The following SAMHD1 variants were observed in gnomAD, a reference collection of about 807,000 sequenced individuals.
SAMHD1 encodes deoxynucleoside triphosphate triphosphohydrolase SAMHD1.
Under a neutral mutation model 79.6 loss-of-function variants are expected in SAMHD1, and 54 were observed. The observed-to-expected ratio is 0.68, with a 90% CI of 0.55 to 0.85. The LOEUF is 0.85. Ranked by LOEUF, SAMHD1 falls within the 40% of genes least tolerant of loss-of-function variation. The pLI, the probability that SAMHD1 is intolerant of heterozygous loss-of-function variation, is 0.00. For synonymous variants in SAMHD1, 260 were observed against 264.1 expected (o/e 0.98, Z 0.15); for missense variants, 663 against 782.7 (o/e 0.85, Z 1.82).
intron 1 of SAMHD1, 115 bp downstream of exon 1, chr20:36,951,321 C>T (rs2063732916): frequency 3.4e-6 from 5 of 1,471,870 alleles, no homozygotes; most frequent in Non-Finnish European, 4.6e-6. Context: ...GGGTGCCTCC[C>T]GCCGCAGGGC....
At position 36,897,916 on chromosome 20, in the gene SAMHD1, C is replaced by T. The variant is rs1368663361; in HGVS notation, c.1652G>A (p.Arg551Gln). The change falls in exon 15 of 16, where the codon CGA becomes CAA. Residue 551 changes from arginine to glutamine, a missense_variant. Arg to Gln is a conservative substitution (Grantham distance 43). Transcript: ENST00000646673. ...LPEKFAEQLI[R>Q]VYCKKVDRKS... ...TCTGTCCACCTTCTTACAATATACT[C>T]GAATCAGCTGCTCTGCAAATTTCTC... 3.1e-6 allele frequency: 5 copies of T among 1,614,180 alleles called. No homozygotes were observed. The highest frequency in any genetic ancestry group is 4.5e-5 in the East Asian group (2 of 44,894).
At chr20:36,942,728 G>A (rs2063654961) in intron 2 of SAMHD1, among the ~76,000 whole-genome samples, 1 of 151,652 alleles carries the variant, frequency 6.6e-6, no homozygotes, top group African/African-American at 2.4e-5. Context: ...CTCACTGCAA[G>A]CTCCACCTCC....
chr20:36,935,387 G>C, intron 3 of SAMHD1, 198 bp from the exon 4 acceptor site: 2 of 581,502 alleles, frequency 3.4e-6, no homozygotes, highest in South Asian at 4.1e-5. Context: ...TTGGATTTGA[G>C]TATATTTTAC....
chr20:36,946,678 T>A, intron 2 of SAMHD1, 60 bp downstream of exon 2: 1 of 1,356,788 alleles, frequency 7.4e-7, no homozygotes. Context: ...TTGGGCTTTG[T>A]CCCTGAAAGA....
chr20:36,942,341 C>T (rs6124473), intron 2 of SAMHD1, among the ~76,000 whole-genome samples: 33,544 of 151,822 alleles, frequency 0.22, 4,399 homozygotes, highest in East Asian at 0.45. Flanking sequence ...TTGCTTGAAC[C>T]CGGGAGGCGG....
At chr20:36,897,637 G>A (rs1990221281) in intron 15 of SAMHD1, 185 bp downstream of exon 15, 10 of 676,540 alleles carry the variant, frequency 1.5e-5, no homozygotes, top group Non-Finnish European at 2.6e-5. Flanking sequence ...AACTCCTGTA[G>A]GAAGAAATCA....
At chr20:36,915,494 T>G (rs953178204) in intron 9 of SAMHD1, among the ~76,000 whole-genome samples, 15 of 152,090 alleles carry the variant, frequency 9.9e-5, no homozygotes, top group Admixed American at 7.2e-4. Context: ...GCCAGCACTT[T>G]GGGAGGCTGA....
intron 15 of SAMHD1, chr20:36,893,680 C>G (rs1435938476): frequency 2.6e-6 from 1 of 388,412 alleles, no homozygotes; most frequent in Non-Finnish European, 4.5e-6. Context: ...CTAAACTGTT[C>G]TGAACTTGTG....
chr20:36,919,514 T>A lies in SAMHD1; in HGVS notation c.702A>T (p.Glu234Asp). ...GCTCAAACATCATAACTGAGCCTTG[T>A]TCATGCTAGGAAAAGTAAGCACAAT... ...LARPEVKWTH[E>D]QGSVMMFEHL... is the part of the protein sequence containing the mutation. Residue 234 changes from glutamate to aspartate, a missense_variant, in exon 7 of 16, where the codon GAA becomes GAT. Glu to Asp is a conservative substitution (Grantham distance 45). Coordinates refer to ENST00000646673, the MANE Select transcript of SAMHD1 (RefSeq NM_015474.4). The A allele has an allele frequency of 6.2e-7, 1 of 1,613,382 alleles. No homozygotes were observed. Among genetic ancestry groups the A allele is most frequent in the South Asian group, 1.1e-5 (1 of 91,036 alleles).
intron 9 of SAMHD1, 47 bp downstream of exon 9, chr20:36,916,675 A>G (rs1443244019): frequency 7.5e-7 from 1 of 1,328,776 alleles, no homozygotes; most frequent in Non-Finnish European, 1.1e-6. Context: ...TCCAAATTTC[A>G]GACCAGGAAC....
At position 36,892,562 on chromosome 20, in the gene SAMHD1, A is replaced by T; in HGVS notation, c.*370T>A. 3.4e-6 allele frequency: 1 copy of T among 292,410 alleles called. No individual in the cohort carries two copies. The highest frequency in any genetic ancestry group is 6.6e-6 in the Non-Finnish European group (1 of 151,968). The allele number at this position is 292,410 out of a possible 1,614,324, so 18.1% of individuals were successfully genotyped here. A position where few individuals can be genotyped will look rare whatever the true frequency, so the allele number is the denominator to read the frequency against. ...TCCCAGCTACTTGGGGGGCTGAGGC[A>T]GGAGGGTCGCTTGAGCCCAGGAAAG... On this transcript the variant is annotated 3_prime_UTR_variant, in exon 16 of 16. Transcript: ENST00000646673.
At chr20:36,935,604 T>G (rs1033971771) in intron 3 of SAMHD1, among the ~76,000 whole-genome samples, 37 of 151,522 alleles carry the variant, frequency 2.4e-4, no homozygotes, top group Non-Finnish European at 4.7e-4. Context: ...AGAGTCTCAC[T>G]GTGTTACCCA....
chr20:36,902,726 T>A (rs1420921720), intron 13 of SAMHD1, among the ~76,000 whole-genome samples: 4 of 151,884 alleles, frequency 2.6e-5, no homozygotes, highest in African/African-American at 9.7e-5. Flanking sequence ...AATTACTGTA[T>A]CACGTTATCT....
intron 15 of SAMHD1, among the ~76,000 whole-genome samples, chr20:36,895,165 C>G (rs1897532953): frequency 6.6e-6 from 1 of 152,038 alleles, no homozygotes; most frequent in African/African-American, 2.4e-5. Flanking sequence ...TCTTGGCTGA[C>G]AGGACTTTGA....
At chr20:36,921,357 C>T (rs966857867) in intron 6 of SAMHD1, among the ~76,000 whole-genome samples, 2 of 119,624 alleles carry the variant, frequency 1.7e-5, no homozygotes, top group Non-Finnish European at 3.2e-5. Context: ...CACGCCACTG[C>T]ACTACAGGCT....
chr20:36,909,963 G>A (rs1390603631), intron 11 of SAMHD1, among the ~76,000 whole-genome samples: 1 of 151,918 alleles, frequency 6.6e-6, no homozygotes, highest in South Asian at 2.1e-4. Flanking sequence ...GGTGTCTCAC[G>A]CCTGTAATCC....
At position 36,939,414 on chromosome 20, in the gene SAMHD1, G is replaced by A. The variant is rs536406013; in HGVS notation, c.348+1625C>T. ...TCGAGACCAGCCTGACCAATATGGC[G>A]GAACCCTGTCTTTACTAAAAAAAAT... On this transcript the variant is annotated intron_variant, in intron 3 of 15. Transcript: ENST00000646673. 1.9e-3 allele frequency among the ~76,000 whole-genome samples: 288 copies of A among 151,998 alleles called. 1 individual carries two copies. Among genetic ancestry groups the A allele is most frequent in the African/African-American group, 6.4e-3 (267 of 41,478 alleles).
chr20:36,951,077 A>G (rs2063729925), intron 1 of SAMHD1, among the ~76,000 whole-genome samples: 1 of 152,156 alleles, frequency 6.6e-6, no homozygotes, highest in South Asian at 2.1e-4. Context: ...GAAGAAACCC[A>G]CGAGAGTGAG....
At chr20:36,924,987 C>T (rs534171198) in intron 6 of SAMHD1, among the ~76,000 whole-genome samples, 8 of 151,828 alleles carry the variant, frequency 5.3e-5, no homozygotes, top group Admixed American at 5.3e-4. Context: ...TGAAAGCCAT[C>T]TCTACTAAAA....
Sources: allele counts gnomAD v4.1 joint callset (sites outside exome capture counted in the v4.1 genomes callset), GRCh38; gene constraint gnomAD v4.1.1; transcripts MANE v1.5; gene names NCBI Gene and HGNC (gene_info 2026-07-23, HGNC 2026-07-21).